The following EHMT1 variants were observed in gnomAD, a reference collection of about 807,000 sequenced individuals.
The protein encoded by EHMT1 is histone-lysine N-methyltransferase EHMT1.
EHMT1 carries 15 observed loss-of-function variants against 147.2 expected under a neutral mutation model. That is an observed-to-expected ratio of 0.10 (90% CI 0.07 to 0.16). EHMT1 has a LOEUF of 0.16. EHMT1 is among the 10% of genes least tolerant of loss of function. The probability of loss-of-function intolerance (pLI) is 1.00; values close to 1 mark genes in which losing one functional copy is unlikely to be tolerated. For missense variants in EHMT1, 1,587 were observed against 1,772.4 expected, an observed-to-expected ratio of 0.90 and a Z score of 1.88; for synonymous variants, 795 against 709.6, an observed-to-expected ratio of 1.12 and a Z score of -1.91.
chr9:137,720,716 G>C (rs890397052), intron 3 of EHMT1, among the ~76,000 whole-genome samples: 3 of 152,154 alleles, frequency 2.0e-5, no homozygotes, highest in African/African-American at 7.2e-5. Flanking sequence ...AGCCCGTCCC[G>C]TTCTCTGCTG....
chr9:137,697,133 T>C, intron 1 of EHMT1: 1 of 390,664 alleles, frequency 2.6e-6, no homozygotes, highest in Non-Finnish European at 5.3e-6. Flanking sequence ...GTGCAAAAAT[T>C]AGCTGGGCAT....
At chr9:137,647,221 C>T (rs1844960424) in intron 1 of EHMT1, among the ~76,000 whole-genome samples, 1 of 152,070 alleles carries the variant, frequency 6.6e-6, no homozygotes, top group Non-Finnish European at 1.5e-5. Context: ...GTCCTTATTC[C>T]CTGAGCTATC....
intron 6 of EHMT1, chr9:137,748,090 G>A (rs1295552311): frequency 6.6e-6 from 1 of 151,940 alleles, no homozygotes; most frequent in Non-Finnish European, 1.5e-5. Context: ...GGTCTGGGTG[G>A]GGGCATTCTG....
chr9:137,623,252 T>C (rs1009933550), intron 1 of EHMT1, among the ~76,000 whole-genome samples: 6 of 151,688 alleles, frequency 4.0e-5, no homozygotes, highest in African/African-American at 1.5e-4. Flanking sequence ...ATGTTCCCTC[T>C]GCCTGGTACA....
intron 1 of EHMT1, among the ~76,000 whole-genome samples, chr9:137,669,518 C>G (rs1940255500): frequency 7.0e-6 from 1 of 142,332 alleles, no homozygotes. Flanking sequence ...CCCCGCACAG[C>G]ACGTGCACTC....
intron 10 of EHMT1, among the ~76,000 whole-genome samples, chr9:137,768,529 A>ATTTTTTTTTTTTTT (rs947901899): frequency 1.6e-4 from 3 of 18,286 alleles, no homozygotes; most frequent in Non-Finnish European, 3.4e-4. Context: ...AATTTTTTGT[A>ATTTTTTTTTTTTTT]TTTTTTTTTT....
chr9:137,729,493 A>G (rs1019359941), intron 4 of EHMT1, among the ~76,000 whole-genome samples: 3 of 152,050 alleles, frequency 2.0e-5, no homozygotes, highest in African/African-American at 7.2e-5. Flanking sequence ...AGGCTGAGGC[A>G]GGAGAATGGC....
intron 26 of EHMT1, 123 bp downstream of exon 26, chr9:137,834,647 A>T: frequency 6.3e-7 from 1 of 1,594,966 alleles, no homozygotes; most frequent in Non-Finnish European, 8.6e-7. Flanking sequence ...TAGTTCTAAA[A>T]ACTGCGACCT....
intron 9 of EHMT1, among the ~76,000 whole-genome samples, chr9:137,759,745 G>A (rs999937261): frequency 6.6e-6 from 1 of 152,224 alleles, no homozygotes; most frequent in African/African-American, 2.4e-5. Flanking sequence ...CAGGCGGTGC[G>A]CCCACTGTGC....
chr9:137,725,710 A>G (rs886334034), intron 3 of EHMT1, among the ~76,000 whole-genome samples: 1 of 152,068 alleles, frequency 6.6e-6, no homozygotes, highest in Non-Finnish European at 1.5e-5. Context: ...CGCTCGAGAG[A>G]CAGAGAGGCA....
At position 137,762,559 on chromosome 9, in the gene EHMT1, G is replaced by A. The variant is rs996804378; in HGVS notation, c.1502-116G>A. On this transcript the variant is annotated intron_variant, in intron 9 of 26. Coordinates refer to ENST00000460843, the MANE Select transcript of EHMT1 (RefSeq NM_024757.5). ...GGCTGTTTGTGCTGGGTAATCAACC[G>A]CATTGCTTTCATTTCCTGGCGTGTG... 39 of 1,544,092 alleles carry A rather than the reference G, an allele frequency of 2.5e-5. 1 individual carries two copies. The highest frequency in any genetic ancestry group is 4.7e-5 in the South Asian group (4 of 85,744).
At chr9:137,762,621 A>G in intron 9 of EHMT1, 54 bp from the exon 10 acceptor site, 2 of 1,613,144 alleles carry the variant, frequency 1.2e-6, no homozygotes, top group South Asian at 1.1e-5. Context: ...CACTTTCTAG[A>G]TGTTCTTTTG....
At chr9:137,657,625 A>G (rs1368508692) in intron 1 of EHMT1, among the ~76,000 whole-genome samples, 1 of 151,950 alleles carries the variant, frequency 6.6e-6, no homozygotes, top group African/African-American at 2.4e-5. Flanking sequence ...ACACCAGGGT[A>G]ACTGGGGTGT....
chr9:137,653,581 T>G (rs534049154), intron 1 of EHMT1, among the ~76,000 whole-genome samples: 3 of 152,186 alleles, frequency 2.0e-5, no homozygotes, highest in Non-Finnish European at 4.4e-5. Flanking sequence ...CAGGCTGGAG[T>G]GCAGTGGTGT....
intron 23 of EHMT1, 128 bp downstream of exon 23, chr9:137,816,190 C>T (rs1202494914): frequency 1.2e-6 from 1 of 835,542 alleles, no homozygotes; most frequent in Non-Finnish European, 2.0e-6. Flanking sequence ...GCAGATAGAG[C>T]CGACAAGTTA....
chr9:137,764,720 CTCTT>C (rs1240849756), intron 10 of EHMT1: 1 of 152,112 alleles, frequency 6.6e-6, no homozygotes, highest in Non-Finnish European at 1.5e-5. Flanking sequence ...CTTTTTTTCT[CTCTT>C]TCTAATTGGA....
intron 1 of EHMT1, among the ~76,000 whole-genome samples, chr9:137,652,072 G>T (rs1217007589): frequency 2.0e-5 from 3 of 152,116 alleles, no homozygotes; most frequent in African/African-American, 7.2e-5. Context: ...AAAGTTAACT[G>T]TAAAACAGTC....
intron 17 of EHMT1, among the ~76,000 whole-genome samples, chr9:137,799,715 C>T (rs1953286250): frequency 6.6e-6 from 1 of 152,246 alleles, no homozygotes; most frequent in African/African-American, 2.4e-5. Flanking sequence ...AGTGGTTGCC[C>T]ACCCAGTTGT....
intron 8 of EHMT1, among the ~76,000 whole-genome samples, chr9:137,755,049 C>T (rs1949274171): frequency 6.6e-6 from 1 of 152,214 alleles, no homozygotes; most frequent in African/African-American, 2.4e-5. Flanking sequence ...GTTTAGGGTG[C>T]CAAGGGCCGT....
Sources: gnomAD v4.1 joint callset for allele counts (sites outside exome capture counted in the v4.1 genomes callset) on GRCh38, gnomAD v4.1.1 for gene constraint, MANE v1.5 for transcripts, NCBI Gene and HGNC (gene_info 2026-07-23, HGNC 2026-07-21) for gene names.